Variants in SAMD15 observed in about 807,000 individuals in gnomAD.
SAMD15 encodes the protein sterile alpha motif domain-containing protein 15.
A neutral mutation model predicts 50.5 loss-of-function variants in SAMD15; 37 were observed. That is an observed-to-expected ratio of 0.73 (90% confidence interval 0.56 to 0.96). The LOEUF (loss-of-function observed/expected upper bound fraction) is 0.96, where lower values mean the gene tolerates loss of function less well. Ranked by LOEUF, SAMD15 falls within the 40% of genes least tolerant of loss-of-function variation. The probability of loss-of-function intolerance (pLI) is 0.00; values close to 1 mark genes in which losing one functional copy is unlikely to be tolerated. For missense variants in SAMD15, 789 were observed against 783.8 expected (o/e 1.01, Z -0.08); for synonymous variants, 255 against 282.8 (o/e 0.90, Z 0.99).
In SAMD15 at chr14:77,378,143, A is replaced by G. The variant is rs1476672269; in HGVS notation, c.725A>G (p.Glu242Gly). The G allele has an allele frequency of 6.2e-7, 1 of 1,613,756 alleles. No homozygotes were observed. Among genetic ancestry groups the G allele is most frequent in the East Asian group, 2.2e-5 (1 of 44,890 alleles). ...PPKMTKPETPEETQRESTEKK... is the reference protein window; with the variant it reads ...PPKMTKPETPGETQRESTEKK... ...AAGATGACCAAACCAGAGACTCCAG[A>G]GGAGACACAAAGAGAGTCAACTGAG... The change falls in exon 1 of 3, where the codon GAG (glutamate) becomes GGG (glycine). Residue 242 changes from glutamate to glycine, a missense_variant. By Grantham distance (98) the Glu-to-Gly change is moderately conservative. Coordinates refer to ENST00000216471, the MANE Select transcript of SAMD15 (RefSeq NM_001010860.4).
intron 2 of SAMD15, among the ~76,000 whole-genome samples, chr14:77,385,008 CCT>C (rs1893987933): frequency 6.6e-6 from 1 of 151,802 alleles, no homozygotes; most frequent in South Asian, 2.1e-4. Context: ...ATGGTGAAAC[CCT>C]GTCTCTACTA....
rs375269496 is a variant in SAMD15, at chr14:77,379,013, C to T, written c.1595C>T (p.Pro532Leu). 3.7e-6 allele frequency: 6 copies of T among 1,613,974 alleles called. No homozygotes were observed. Among genetic ancestry groups the T allele is most frequent in the East Asian group, 4.5e-5 (2 of 44,878 alleles). The part of the protein sequence containing the change: ...ERVSEDDETQ[P>L]EKGTELQFEH... Reference sequence around the variant, plus strand: ...GTCTCTGAAGATGACGAAACCCAGCCAGAAAAAGGGACTGAGTTACAATTT... The same window carrying T: ...GTCTCTGAAGATGACGAAACCCAGCTAGAAAAAGGGACTGAGTTACAATTT... Residue 532 changes from proline (P) to leucine (L), a missense_variant, in exon 1 of 3, where the codon CCA becomes CTA. By Grantham distance (98) the Pro-to-Leu change is moderately conservative. Coordinates refer to ENST00000216471, the MANE Select transcript of SAMD15 (RefSeq NM_001010860.4).
intron 1 of SAMD15, among the ~76,000 whole-genome samples, chr14:77,379,965 A>G (rs758113267): frequency 1.7e-4 from 26 of 152,248 alleles, no homozygotes; most frequent in Admixed American, 4.6e-4. Context: ...CCACAAAACA[A>G]TACAAGATCT....
At position 77,380,364 on chromosome 14, in the gene SAMD15, G is replaced by A. The variant is rs745463109; in HGVS notation, c.1690-19G>A. On this transcript the variant is annotated intron_variant, in intron 1 of 2. Transcript: ENST00000216471. ...ATTTGCAGTACATTTTTTAAGTGAT[G>A]TCCTTGTTGTATTGACAGGAGTGTT... 1 of 1,504,474 alleles carries A rather than the reference G, an allele frequency of 6.6e-7. No homozygotes were observed. Among genetic ancestry groups the A allele is most frequent in the East Asian group, 2.3e-5 (1 of 44,364 alleles). The allele number at this position is 1,504,474 out of a possible 1,614,324, so 93.2% of individuals were successfully genotyped here.
chr14:77,391,090 T>C lies in SAMD15; in HGVS notation c.1871T>C (p.Ile624Thr). 1 of 1,613,992 alleles carries C rather than the reference T, an allele frequency of 6.2e-7. No homozygotes were observed. Among genetic ancestry groups the C allele is most frequent in the Non-Finnish European group, 8.5e-7 (1 of 1,179,838 alleles). Residue 624 changes from isoleucine to threonine, a missense_variant, in exon 3 of 3, where the codon ATT becomes ACT. Coordinates refer to ENST00000216471, the MANE Select transcript of SAMD15 (RefSeq NM_001010860.4). ...KRSISLPYRD[I>T]IGLYLEQKGH... ...TCCATCAGCCTTCCCTATAGGGATA[T>C]TATCGGCTTATATTTAGAGCAAAAA...
In SAMD15 at chr14:77,378,325, G is replaced by C. The variant is rs756726253; in HGVS notation, c.907G>C (p.Glu303Gln). ...QRKATEEKGT[E>Q]LPERTKPDFP... ...AAAGGCAACTGAGGAGAAAGGGACA[G>C]AACTACCTGAGCGGACTAAACCAGA... The change falls in exon 1 of 3, where the codon GAA (glutamate) becomes CAA (glutamine). Residue 303 changes from glutamate (E) to glutamine (Q), a missense_variant. By Grantham distance (29) the Glu-to-Gln change is conservative. Transcript: ENST00000216471. The C allele has an allele frequency of 8.7e-6, 14 of 1,612,284 alleles. No homozygotes were observed. The highest frequency in any genetic ancestry group is 1.7e-4 in the Middle Eastern group (1 of 6,060).
chr14:77,378,346 C>T lies in SAMD15; in HGVS notation c.928C>T (p.Pro310Ser), dbSNP rs1177001232. ...KGTELPERTKPDFPDHKPRKS... is the reference protein window; with the variant it reads ...KGTELPERTKSDFPDHKPRKS... ...GACAGAACTACCTGAGCGGACTAAA[C>T]CAGACTTTCCAGACCACAAGCCAAG... Residue 310 changes from proline to serine, a missense_variant, in exon 1 of 3, where the codon CCA (proline) becomes TCA (serine). By Grantham distance (74) the Pro-to-Ser change is moderately conservative. Coordinates refer to ENST00000216471, the MANE Select transcript of SAMD15 (RefSeq NM_001010860.4). The T allele has an allele frequency of 6.2e-7, 1 of 1,612,818 alleles. No individual in the cohort carries two copies. The highest frequency in any genetic ancestry group is 1.7e-5 in the Admixed American group (1 of 59,584).
chr14:77,380,506 A>G lies in SAMD15; in HGVS notation c.1788+25A>G, dbSNP rs748863127. 2.6e-6 allele frequency: 4 copies of G among 1,509,514 alleles called. No individual in the cohort carries two copies. In the East Asian group the frequency reaches 6.8e-5, roughly 26 times the overall value. 93.5% of individuals were successfully genotyped at this position (1,509,514 alleles called of 1,614,324 possible). On this transcript the variant is annotated intron_variant, in intron 2 of 2. Transcript: ENST00000216471. ...GGTGAGTTGTGTCCAAAGTTTCCCT[A>G]CAGAGCACTGTTAACAGTGCCACCA... is the stretch of plus-strand genomic sequence containing the variant.
In SAMD15 at chr14:77,378,798, C is replaced by T. The variant is rs772152492; in HGVS notation, c.1380C>T (p.Tyr460=). Reference sequence around the variant, plus strand: ...GTGACAAATTTAGAAAAGAATATTACGCATTAGGATCTCTCAGAGAAAGTG... The same window carrying T: ...GTGACAAATTTAGAAAAGAATATTATGCATTAGGATCTCTCAGAGAAAGTG... The part of the protein sequence containing the change: ...SLSDKFRKEY[Y]ALGSLRESEE... Residue 460 remains tyrosine (Y), a synonymous_variant, in exon 1 of 3, where the codon TAC becomes TAT. Transcript: ENST00000216471. 2.7e-5 allele frequency: 43 copies of T among 1,612,398 alleles called. No homozygotes were observed. Among genetic ancestry groups the T allele is most frequent in the South Asian group, 8.8e-5 (8 of 90,646 alleles).
Position 77,377,910 on chromosome 14 carries a change from A to C in SAMD15, c.492A>C (p.Pro164=). The C allele has an allele frequency of 6.2e-7, 1 of 1,614,138 alleles. No individual in the cohort carries two copies. The highest frequency in any genetic ancestry group is 1.1e-5 in the South Asian group (1 of 91,088). The change falls in exon 1 of 3, where the codon CCA becomes CCC. Residue 164 remains proline (P), a synonymous_variant. Coordinates refer to ENST00000216471, the MANE Select transcript of SAMD15 (RefSeq NM_001010860.4). The part of the protein sequence containing the change: ...AMETDPDPVP[P]TETMSEVSGA... ...AAACAGATCCAGATCCAGTGCCACC[A>C]ACGGAAACCATGTCTGAGGTTTCGG... is the stretch of plus-strand genomic sequence containing the variant.
At chr14:77,387,413 T>A (rs150057011) in intron 2 of SAMD15, among the ~76,000 whole-genome samples, 1 of 151,956 alleles carries the variant, frequency 6.6e-6, no homozygotes, top group Non-Finnish European at 1.5e-5. Context: ...ACCAGCCTGA[T>A]TGACAGAGCG....
In SAMD15 at chr14:77,378,250, C is replaced by A; in HGVS notation, c.832C>A (p.Leu278Ile). ...AAGAAAGTCTAGTGAGGAGGCAGGT[C>A]TAGAGCCTCCAGAAGAGACTCAACC... ...EPRKSSEEAG[L>I]EPPEETQPEV... Residue 278 changes from leucine to isoleucine, a missense_variant, in exon 1 of 3, where the codon CTA becomes ATA. Leu to Ile is a conservative substitution (Grantham distance 5). Around this residue, in one of 2 missense-constraint regions of SAMD15, gnomAD observed 770 missense variants for 745.4 expected, o/e 1.03. Coordinates refer to ENST00000216471, the MANE Select transcript of SAMD15 (RefSeq NM_001010860.4). 6.2e-7 allele frequency: 1 copy of A among 1,613,956 alleles called. No homozygotes were observed. The highest frequency in any genetic ancestry group is 8.5e-7 in the Non-Finnish European group (1 of 1,179,966).
Position 77,377,844 on chromosome 14 carries a change from A to G in SAMD15, c.426A>G (p.Lys142=), listed in dbSNP as rs772441400. ...ACCTAGAGCCACCAGAGGAGGCTAA[A>G]CCAAATGTTACAGAGGATGTGTTCC... ...ESDLEPPEEA[K]PNVTEDVFLE... The change falls in exon 1 of 3, where the codon AAA becomes AAG. Residue 142 remains lysine (K), a synonymous_variant. Coordinates refer to ENST00000216471, the MANE Select transcript of SAMD15 (RefSeq NM_001010860.4). 5 of 1,614,156 alleles carry G rather than the reference A, an allele frequency of 3.1e-6. No individual in the cohort carries two copies. The South Asian group carries it at 5.5e-5, about 18-fold the overall frequency.
At chr14:77,382,622 A>G (rs1893956583) in intron 2 of SAMD15, among the ~76,000 whole-genome samples, 1 of 125,906 alleles carries the variant, frequency 7.9e-6, no homozygotes, top group Admixed American at 7.7e-5. Flanking sequence ...TTCCCAATCC[A>G]TGTTCTATTT....
At chr14:77,385,018 C>G (rs1893988030) in intron 2 of SAMD15, among the ~76,000 whole-genome samples, 1 of 151,860 alleles carries the variant, frequency 6.6e-6, no homozygotes, top group South Asian at 2.1e-4. Context: ...CCTGTCTCTA[C>G]TAAAAATACA....
At chr14:77,379,572 T>C (rs535635722) in intron 1 of SAMD15, among the ~76,000 whole-genome samples, 2 of 152,260 alleles carry the variant, frequency 1.3e-5, no homozygotes, top group East Asian at 3.9e-4. Context: ...TTTGTATTTT[T>C]AGTAGAGACG....
intron 1 of SAMD15, 171 bp downstream of exon 1, chr14:77,379,278 G>T (rs919952852): frequency 9.7e-6 from 6 of 617,868 alleles, no homozygotes; most frequent in Non-Finnish European, 8.5e-6. Context: ...ATGTATATTT[G>T]TATTTTGGGA....
Position 77,392,033 on chromosome 14 carries a change from G to A in SAMD15, c.*789G>A, listed in dbSNP as rs566803447. On this transcript the variant is annotated 3_prime_UTR_variant, in exon 3 of 3. Transcript: ENST00000216471. Reference sequence around the variant, plus strand: ...GGTGCCACTGGACTCCAGCCTGGGTGACAGAGTGAGACTCTGTCTAAAACA... The same window carrying A: ...GGTGCCACTGGACTCCAGCCTGGGTAACAGAGTGAGACTCTGTCTAAAACA... Among the ~76,000 whole-genome samples the A allele has an allele frequency of 6.6e-6, 1 of 151,356 alleles. No individual in the cohort carries two copies. Among genetic ancestry groups the A allele is most frequent in the Non-Finnish European group, 1.5e-5 (1 of 67,698 alleles).
intron 2 of SAMD15, among the ~76,000 whole-genome samples, chr14:77,390,287 T>G (rs1316983736): frequency 2.0e-5 from 3 of 152,066 alleles, no homozygotes; most frequent in African/African-American, 7.2e-5. Context: ...TGAGCCACCA[T>G]GCTCGGCCCT....
Sources: gnomAD v4.1 joint callset for allele counts (sites outside exome capture counted in the v4.1 genomes callset) on GRCh38, gnomAD v4.1.1 for gene constraint, gnomAD v4.1.1 regional missense constraint, MANE v1.5 for transcripts, NCBI Gene and HGNC (gene_info 2026-07-23, HGNC 2026-07-21) for gene names.